LAMB3: variants seen among roughly 807,000 people sequenced by gnomAD.
The protein encoded by LAMB3 is laminin subunit beta 3, also known as laminin subunit beta-3.
Under a neutral mutation model 140.3 loss-of-function variants are expected in LAMB3, and 104 were observed. The observed-to-expected ratio is 0.74, with a 90% CI of 0.63 to 0.87. The LOEUF is 0.87. Ranked by LOEUF, LAMB3 falls within the 40% of genes least tolerant of loss-of-function variation. The pLI is 0.00. For synonymous variants in LAMB3, 592 were observed against 602.9 expected (o/e 0.98, Z 0.26); for missense variants, 1,531 against 1,575.2 (o/e 0.97, Z 0.47).
chr1:209,639,667 G>GCACA (rs139931753), intron 3 of LAMB3, among the ~76,000 whole-genome samples: 3 of 150,650 alleles, frequency 2.0e-5, no homozygotes, highest in African/African-American at 7.3e-5. Context: ...ATGCGCACAC[G>GCACA]CACACACACA....
At position 209,615,361 on chromosome 1, in the gene LAMB3, GC is replaced by G; in HGVS notation, c.3428del (p.Arg1143ProfsTer5). The G allele has an allele frequency of 6.2e-7, 1 of 1,612,518 alleles. No individual in the cohort carries two copies. The highest frequency in any genetic ancestry group is 8.5e-7 in the Non-Finnish European group (1 of 1,179,052). ...LLRGSQAIML[R>X]SADLTGLEKR... ...TCTCCAGTCCTGTCAGGTCCGCTGAGCGCAGCATGATGGCCTGGCTGCCCCG... is the reference window on the plus strand; with the variant it reads ...TCTCCAGTCCTGTCAGGTCCGCTGAGGCAGCATGATGGCCTGGCTGCCCCG... On this transcript the variant is annotated frameshift_variant, in exon 23 of 23. Transcript: ENST00000356082. LOFTEE classifies it high-confidence loss of function.
At chr1:209,618,409 G>C in intron 19 of LAMB3, 43 bp downstream of exon 19, 1 of 1,596,944 alleles carries the variant, frequency 6.3e-7, no homozygotes, top group Non-Finnish European at 8.5e-7. Context: ...CAAAACGCCA[G>C]CTTAATCCTG....
intron 17 of LAMB3, 61 bp downstream of exon 17, chr1:209,622,921 C>CG: frequency 6.3e-7 from 1 of 1,578,830 alleles, no homozygotes; most frequent in East Asian, 2.2e-5. Context: ...CTGACTTGCC[C>CG]GGGGGATCTA....
Position 209,618,565 on chromosome 1 carries a change from C to T in LAMB3, c.2796G>A (p.Met932Ile). The change falls in exon 19 of 23, where the codon ATG becomes ATA. Residue 932 changes from methionine to isoleucine, a missense_variant. Physicochemically the swap from Met to Ile is conservative, Grantham distance 10. Transcript: ENST00000356082. ...PTDSATVLQKMNEIQAIAARL... is the reference protein window; with the variant it reads ...PTDSATVLQKINEIQAIAARL... ...TGGCTGCAATGGCCTGGATCTCATT[C>T]ATCTTCTGCAGAACAGTAGCTGAGT... is the stretch of plus-strand genomic sequence containing the variant. The T allele has an allele frequency of 6.2e-7, 1 of 1,614,250 alleles. No individual in the cohort carries two copies. Among genetic ancestry groups the T allele is most frequent in the Non-Finnish European group, 8.5e-7 (1 of 1,180,046 alleles).
intron 20 of LAMB3, 133 bp downstream of exon 20, chr1:209,617,774 C>T (rs1186528690): frequency 7.5e-7 from 1 of 1,332,592 alleles, no homozygotes; most frequent in Admixed American, 1.8e-5. Context: ...CCATAGCCTG[C>T]CCAAAGCTTG....
intron 3 of LAMB3, among the ~76,000 whole-genome samples, chr1:209,643,262 G>A (rs566661383): frequency 2.6e-5 from 4 of 152,306 alleles, no homozygotes; most frequent in South Asian, 2.1e-4. Flanking sequence ...TGTAAGCGTC[G>A]TGTGCATGTG....
At chr1:209,651,023 C>T in intron 1 of LAMB3, 42 bp from the exon 2 acceptor site, 1 of 1,279,710 alleles carries the variant, frequency 7.8e-7, no homozygotes, top group South Asian at 1.2e-5. Context: ...AGTGCAAACC[C>T]CTAGAGCACA....
chr1:209,623,426 A>G lies in LAMB3; in HGVS notation c.2358+79T>C. The G allele has an allele frequency of 7.2e-7, 1 of 1,398,434 alleles. No homozygotes were observed. Among genetic ancestry groups the G allele is most frequent in the Non-Finnish European group, 1.0e-6 (1 of 984,140 alleles). The allele number at this position is 1,398,434 out of a possible 1,614,324, so 86.6% of individuals were successfully genotyped here. On this transcript the variant is annotated intron_variant, in intron 16 of 22. Transcript: ENST00000356082. The surrounding 1 kb of genome is among the most constrained non-coding windows in gnomAD (Gnocchi z 4.2). ...CTCACAGGGGCAGATCTGCCCTAAT[A>G]GGAAGCAGGTGGCAGCAGTTGGTGT...
Position 209,618,437 on chromosome 1 carries a change from G to C in LAMB3, c.2909+15C>G. The C allele has an allele frequency of 6.2e-7, 1 of 1,612,070 alleles. No individual in the cohort carries two copies. Among genetic ancestry groups the C allele is most frequent in the Non-Finnish European group, 8.5e-7 (1 of 1,179,536 alleles). ...TAATCCTGGGCAGAGAGAAGTTCAG[G>C]GCCCAAGGCCATACCTGGCTTCCTC... is the stretch of plus-strand genomic sequence containing the variant. On this transcript the variant is annotated intron_variant, in intron 19 of 22. Coordinates refer to ENST00000356082, the MANE Select transcript of LAMB3 (RefSeq NM_000228.3).
intron 3 of LAMB3, among the ~76,000 whole-genome samples, chr1:209,643,002 G>A (rs2076483638): frequency 6.6e-6 from 1 of 152,236 alleles, no homozygotes; most frequent in South Asian, 2.1e-4. Flanking sequence ...CAAACTGCAT[G>A]CTGCTTATCA....
At chr1:209,617,380 A>G (rs773770791) in intron 21 of LAMB3, 30 bp downstream of exon 21, 2 of 1,609,370 alleles carry the variant, frequency 1.2e-6, no homozygotes, top group Non-Finnish European at 8.5e-7. Context: ...CTGGCCGTAC[A>G]TCATTGAGCT....
chr1:209,614,985 C>T lies in LAMB3; in HGVS notation c.*286G>A, dbSNP rs1444416132. ...TCCAGGATTCCTCCCCAGTGGAGAA[C>T]TAAAGGCGGGGGATACTGCCCAGCC... On this transcript the variant is annotated 3_prime_UTR_variant, in exon 23 of 23. Transcript: ENST00000356082. 1.7e-5 allele frequency: 7 copies of T among 410,394 alleles called. No homozygotes were observed. Among genetic ancestry groups the T allele is most frequent in the Admixed American group, 4.0e-5 (1 of 25,078 alleles). 25.4% of individuals were successfully genotyped at this position (410,394 alleles called of 1,614,324 possible).
At chr1:209,631,391 T>C (rs1666686762) in intron 8 of LAMB3, among the ~76,000 whole-genome samples, 1 of 152,222 alleles carries the variant, frequency 6.6e-6, no homozygotes. Flanking sequence ...GTTTTTCTTC[T>C]GCCTAGAATT....
In LAMB3 at chr1:209,623,957, C is replaced by A; in HGVS notation, c.2020G>T (p.Glu674Ter). 1.2e-6 allele frequency: 2 copies of A among 1,614,032 alleles called. No individual in the cohort carries two copies. The highest frequency in any genetic ancestry group is 1.7e-6 in the Non-Finnish European group (2 of 1,180,006). The change falls in exon 15 of 23, where the codon GAG (glutamate) becomes TAG (stop). Residue 674 changes from glutamate to a stop codon, truncating the protein, a stop_gained. Transcript: ENST00000356082. LOFTEE classifies it high-confidence loss of function. The surrounding 1 kb of genome is among the most constrained non-coding windows in gnomAD (Gnocchi z 4.2). ...AGGTCTCTCGGAAGGGACAACGTCT[C>A]CTCCTCCAGGGGCAGATCCAGCTGC... ...GLQLDLPLEE[E>*]TLSLPRDLES...
chr1:209,623,345 A>G lies in LAMB3; in HGVS notation c.2358+160T>C, dbSNP rs1666280537. 9.9e-7 allele frequency: 1 copy of G among 1,012,492 alleles called. No homozygotes were observed. Among genetic ancestry groups the G allele is most frequent in the African/African-American group, 1.6e-5 (1 of 62,820 alleles). 62.7% of individuals were successfully genotyped at this position (1,012,492 alleles called of 1,614,324 possible). On this transcript the variant is annotated intron_variant, in intron 16 of 22. Coordinates refer to ENST00000356082, the MANE Select transcript of LAMB3 (RefSeq NM_000228.3). The surrounding 1 kb of genome is among the most constrained non-coding windows in gnomAD (Gnocchi z 4.2). ...GGACCAGAAACTGGTTTCCTTGGCAACCACTGAGCTCACAGTGAGCAGTAC... is the reference window on the plus strand; with the variant it reads ...GGACCAGAAACTGGTTTCCTTGGCAGCCACTGAGCTCACAGTGAGCAGTAC...
At position 209,633,072 on chromosome 1, in the gene LAMB3, T is replaced by C. The variant is rs1666753924; in HGVS notation, c.626A>G (p.Gln209Arg). ...ACAAGAGAAGTAACCACACTGACCT[T>C]GAATTTTTTGACTTTGAGTTGCTGG... ...GIPATQSQKI[Q>R]EVGEITNLRV... Residue 209 changes from glutamine (Q) to arginine (R), a missense_variant and splice_region_variant, in exon 7 of 23, where the codon CAA becomes CGA. Coordinates refer to ENST00000356082, the MANE Select transcript of LAMB3 (RefSeq NM_000228.3). The C allele has an allele frequency of 6.2e-7, 1 of 1,606,800 alleles. No individual in the cohort carries two copies. The highest frequency in any genetic ancestry group is 8.5e-7 in the Non-Finnish European group (1 of 1,173,474).
rs1666647369 is a variant in LAMB3 at position 209,630,635 on chromosome 1, T to G, written c.923A>C (p.Gln308Pro). 6.2e-7 allele frequency: 1 copy of G among 1,614,082 alleles called. No homozygotes were observed. Residue 308 changes from glutamine (Q) to proline (P), a missense_variant, in exon 9 of 23, where the codon CAG (glutamine) becomes CCG (proline). Physicochemically the swap from Gln to Pro is moderately conservative, Grantham distance 76. Transcript: ENST00000356082. ...NNRPWRPAEG[Q>P]DAHECQRCDC... ...CCTACTTTGGCATTCATGGGCGTCC[T>G]GGCCCTCCGCCGGTCTCCAGGGCCG... is the stretch of plus-strand genomic sequence containing the variant.
rs760837625 is a variant in LAMB3, at chr1:209,617,954, G to A, written c.3004C>T (p.Gln1002Ter). Residue 1002 changes from glutamine to a stop codon, truncating the protein, a stop_gained, in exon 20 of 23, where the codon CAA becomes TAA. Coordinates refer to ENST00000356082, the MANE Select transcript of LAMB3 (RefSeq NM_000228.3). LOFTEE classifies it high-confidence loss of function. The stretch of plus-strand genomic sequence containing the variant: ...AGCCGAAGGGAGCGGCTGGTGCCTT[G>A]CATGGTGTCCTGAGCTTCCTGCAGT... ...VALQEAQDTM[Q>*]GTSRSLRLIQ... The A allele has an allele frequency of 6.2e-7, 1 of 1,614,178 alleles. No homozygotes were observed. The highest frequency in any genetic ancestry group is 8.5e-7 in the Non-Finnish European group (1 of 1,180,034).
chr1:209,633,320 CGT>C (rs376089536), intron 6 of LAMB3, among the ~76,000 whole-genome samples, 187 bp from the exon 7 acceptor site: 20 of 151,576 alleles, frequency 1.3e-4, no homozygotes, highest in African/African-American at 4.3e-4. Context: ...GGGCCCTAAA[CGT>C]GTGTGTGTGT....
Sources: allele counts gnomAD v4.1 joint callset (sites outside exome capture counted in the v4.1 genomes callset), GRCh38; gene constraint gnomAD v4.1.1; non-coding constraint Gnocchi (gnomAD v3.1); transcripts MANE v1.5; gene names NCBI Gene and HGNC (gene_info 2026-07-23, HGNC 2026-07-21).